Variants in CNOT1 observed in about 807,000 individuals in gnomAD.
CNOT1 encodes CCR4-NOT transcription complex subunit 1.
In CNOT1, 15 loss-of-function variants were observed where a neutral mutation model predicts 273.8. The observed-to-expected ratio is 0.05, with a 90% CI of 0.04 to 0.08. CNOT1 has a LOEUF of 0.08. Among genes scored for constraint, CNOT1 ranks in the 10% least tolerant of loss-of-function variants. CNOT1 has a pLI of 1.00. For missense variants in CNOT1, 1,644 were observed against 2,912.2 expected, an observed-to-expected ratio of 0.56 and a Z score of 10.02; for synonymous variants, 1,022 against 1,005.5, an observed-to-expected ratio of 1.02 and a Z score of -0.31.
chr16:58,526,105 G>A lies in CNOT1; in HGVS notation c.6487C>T (p.Arg2163Trp), dbSNP rs890426677. 6.2e-7 allele frequency: 1 copy of A among 1,613,986 alleles called. No individual in the cohort carries two copies. The highest frequency in any genetic ancestry group is 8.5e-7 in the Non-Finnish European group (1 of 1,179,938). ...DMLSEINIAPRILTNFTGVMP... is the reference protein window; with the variant it reads ...DMLSEINIAPWILTNFTGVMP... ...ACTCCAGTGAAATTGGTGAGAATCC[G>A]GGGAGCAATGTTAATTTCACTCAAC... is the stretch of plus-strand genomic sequence containing the variant. Residue 2163 changes from arginine to tryptophan, a missense_variant, in exon 45 of 49, where the codon CGG (arginine) becomes TGG (tryptophan). Physicochemically the swap from Arg to Trp is moderately radical, Grantham distance 101. Transcript: ENST00000317147.
intron 31 of CNOT1, chr16:58,543,212 G>A: frequency 2.0e-6 from 3 of 1,512,630 alleles, no homozygotes; most frequent in Non-Finnish European, 1.8e-6. Context: ...ACTAGTAAGT[G>A]AATTATTTGA....
At position 58,550,772 on chromosome 16, in the gene CNOT1, G is replaced by A. The variant is rs558766724; in HGVS notation, c.3342+360C>T. ...TATACTGTCTTACCATGTAATCTGA[G>A]GGGCAAGTAGCATGCATTCTTTATG... On this transcript the variant is annotated intron_variant, in intron 24 of 48. Coordinates refer to ENST00000317147, the MANE Select transcript of CNOT1 (RefSeq NM_016284.5). Among the ~76,000 whole-genome samples the A allele has an allele frequency of 1.4e-4, 22 of 152,246 alleles. 2 individuals carry two copies. Among genetic ancestry groups the A allele is most frequent in the Non-Finnish European group, 2.5e-4 (17 of 68,002 alleles).
intron 3 of CNOT1, 64 bp downstream of exon 3, chr16:58,588,735 C>T: frequency 5.1e-6 from 8 of 1,570,528 alleles, no homozygotes; most frequent in Non-Finnish European, 6.9e-6. Context: ...GCTACATACA[C>T]TATGCCCAAA....
chr16:58,572,921 G>GA (rs570556638), intron 16 of CNOT1, among the ~76,000 whole-genome samples: 10 of 140,152 alleles, frequency 7.1e-5, no homozygotes, highest in East Asian at 4.2e-4. Flanking sequence ...AAAAAAAAAA[G>GA]AAAAAAAAAT....
rs2039573381 is a variant in CNOT1 at position 58,526,155 on chromosome 16, G to C, written c.6454-17C>G. The C allele has an allele frequency of 6.2e-7, 1 of 1,613,076 alleles. No homozygotes were observed. Among genetic ancestry groups the C allele is most frequent in the Admixed American group, 1.7e-5 (1 of 59,938 alleles). On this transcript the variant is annotated splice_polypyrimidine_tract_variant and intron_variant, in intron 44 of 48. Coordinates refer to ENST00000317147, the MANE Select transcript of CNOT1 (RefSeq NM_016284.5). Reference sequence around the variant, plus strand: ...CATGTCCACCTGCCACAGATAAAATGCAAGAATCACAAGCAGAATCATTTT... The same window carrying C: ...CATGTCCACCTGCCACAGATAAAATCCAAGAATCACAAGCAGAATCATTTT...
At chr16:58,543,168 C>A in intron 31 of CNOT1, 2 of 1,422,872 alleles carry the variant, frequency 1.4e-6, no homozygotes, top group Non-Finnish European at 1.8e-6. Context: ...AATCATGATA[C>A]CTGAATTATT....
intron 16 of CNOT1, among the ~76,000 whole-genome samples, chr16:58,563,418 C>G (rs572640105): frequency 6.6e-6 from 1 of 152,198 alleles, no homozygotes; most frequent in South Asian, 2.1e-4. Flanking sequence ...CACACAAAGA[C>G]AAAATTGCCT....
intron 8 of CNOT1, among the ~76,000 whole-genome samples, 162 bp downstream of exon 8, chr16:58,585,176 A>G (rs1331452469): frequency 6.6e-6 from 1 of 152,238 alleles, no homozygotes; most frequent in East Asian, 1.9e-4. Flanking sequence ...CAGGATGTTT[A>G]CAGCTGTCAC....
Position 58,587,262 on chromosome 16 carries a change from C to T in CNOT1, c.379-7G>A. The T allele has an allele frequency of 6.2e-7, 1 of 1,613,760 alleles. No homozygotes were observed. ...GGGCAAGGCCAAAAATTACCTGAAA[C>T]AAGAAGGATTAGATTAACCAAAGAG... On this transcript the variant is annotated splice_polypyrimidine_tract_variant and splice_region_variant and intron_variant, in intron 5 of 48. Coordinates refer to ENST00000317147, the MANE Select transcript of CNOT1 (RefSeq NM_016284.5).
chr16:58,528,455 TTAAC>T lies in CNOT1; in HGVS notation c.6453+16_6453+19del, dbSNP rs1481861143. ...GAAATATTAAGACATAAGTTTTCCT[TTAAC>T]TAGTTGGAACCTTACCTTTAGATTA... is the stretch of plus-strand genomic sequence containing the variant. On this transcript the variant is annotated intron_variant, in intron 44 of 48. Coordinates refer to ENST00000317147, the MANE Select transcript of CNOT1 (RefSeq NM_016284.5). The T allele has an allele frequency of 3.2e-6, 5 of 1,586,516 alleles. No homozygotes were observed. Among genetic ancestry groups the T allele is most frequent in the South Asian group, 1.1e-5 (1 of 90,150 alleles).
chr16:58,540,028 C>A, intron 34 of CNOT1, 69 bp from the exon 35 acceptor site: 1 of 1,483,030 alleles, frequency 6.7e-7, no homozygotes, highest in Non-Finnish European at 9.1e-7. Context: ...ACACATGTAT[C>A]AAATAGAGGT....
rs72790275 is a variant in CNOT1, at chr16:58,580,829, C to T, written c.1216-69G>A. ...GCTATAAAAATCTGAAATGTTTTCA[C>T]TAGGCTATTGTCAATCTTAAGGTTA... is the stretch of plus-strand genomic sequence containing the variant. On this transcript the variant is annotated intron_variant, in intron 11 of 48. Transcript: ENST00000317147. 0.42 allele frequency: 598,418 copies of T among 1,433,014 alleles called. 132,782 individuals carry two copies. The highest frequency in any genetic ancestry group is 0.46 in the Non-Finnish European group (486,598 of 1,049,732). 88.8% of individuals were successfully genotyped at this position (1,433,014 alleles called of 1,614,324 possible). A position where few individuals can be genotyped will look rare whatever the true frequency, so the allele number is the denominator to read the frequency against.
chr16:58,551,286 AT>A lies in CNOT1; in HGVS notation c.3202-15del, dbSNP rs759105916. The stretch of plus-strand genomic sequence containing the variant: ...ATTAATAGAAGGCTAAAAAAAAAAA[AT>A]AAAGTACATAAGGCAAATAAGTTGA... On this transcript the variant is annotated splice_polypyrimidine_tract_variant and intron_variant, in intron 23 of 48. Transcript: ENST00000317147. The A allele has an allele frequency of 3.9e-6, 6 of 1,554,970 alleles. No homozygotes were observed. Among genetic ancestry groups the A allele is most frequent in the East Asian group, 2.3e-5 (1 of 44,398 alleles).
At chr16:58,521,403 CCTGA>C (rs1683938367) in intron 47 of CNOT1, 86 bp from the exon 48 acceptor site, 2 of 1,385,156 alleles carry the variant, frequency 1.4e-6, no homozygotes, top group South Asian at 1.4e-5. Context: ...CTAACTTCTC[CCTGA>C]CTATTGAACC....
intron 25 of CNOT1, among the ~76,000 whole-genome samples, chr16:58,549,188 GAAGT>G (rs938247190): frequency 6.6e-6 from 1 of 151,302 alleles, no homozygotes; most frequent in Admixed American, 6.6e-5. Context: ...TCGGGAGGCT[GAAGT>G]AAGAGAACTG....
chr16:58,527,346 C>A (rs1008557492), intron 44 of CNOT1, among the ~76,000 whole-genome samples: 3 of 149,976 alleles, frequency 2.0e-5, no homozygotes, highest in Non-Finnish European at 3.0e-5. Context: ...ACTAGTGAAA[C>A]CCCGTCACTA....
intron 2 of CNOT1, among the ~76,000 whole-genome samples, chr16:58,598,397 C>CAA (rs869048108): frequency 6.8e-4 from 59 of 86,376 alleles, no homozygotes; most frequent in East Asian, 6.6e-3. Context: ...GACTCCATCT[C>CAA]AAAAAAAAAA....
intron 1 of CNOT1, among the ~76,000 whole-genome samples, chr16:58,621,926 A>G: frequency 6.7e-6 from 1 of 149,286 alleles, no homozygotes; most frequent in East Asian, 2.1e-4. Flanking sequence ...AAAAAAAAAA[A>G]AAAAAAAAGA....
chr16:58,608,667 C>T (rs201760016), intron 1 of CNOT1, among the ~76,000 whole-genome samples: 2 of 151,746 alleles, frequency 1.3e-5, no homozygotes, highest in African/African-American at 4.8e-5. Context: ...TACTTGCACA[C>T]GTTTACAGCA....
Sources: gnomAD v4.1 joint callset for allele counts (sites outside exome capture counted in the v4.1 genomes callset) on GRCh38, gnomAD v4.1.1 for gene constraint, MANE v1.5 for transcripts, NCBI Gene and HGNC (gene_info 2026-07-23, HGNC 2026-07-21) for gene names.